Variants in CADM2 observed in about 807,000 individuals in gnomAD.
CADM2 encodes the protein cell adhesion molecule 2, also known as immunoglobulin superfamily member 4D.
Under a neutral mutation model 49.8 loss-of-function variants are expected in CADM2, and 12 were observed. The observed-to-expected ratio is 0.24, with a 90% CI of 0.15 to 0.39. CADM2 has a LOEUF of 0.39. Ranked by LOEUF, CADM2 falls within the 10% of genes least tolerant of loss-of-function variation. The pLI is 1.00. For synonymous variants in CADM2, 214 were observed against 175.4 expected, an observed-to-expected ratio of 1.22 and a Z score of -1.74; for missense variants, 378 against 492.3, an observed-to-expected ratio of 0.77 and a Z score of 2.20.
intron 1 of CADM2, among the ~76,000 whole-genome samples, chr3:85,069,716 T>C (rs1036527415): frequency 3.3e-5 from 5 of 152,156 alleles, no homozygotes; most frequent in African/African-American, 1.2e-4. Context: ...TTATCTTTGA[T>C]AAAAAATGCT....
Position 85,523,327 on chromosome 3 carries a change from A to C in CADM2, c.62-203195A>C, listed in dbSNP as rs115580579. ...TTAGGAGTGTCTAGTTTGGATTCCC[A>C]GAGTCATCACTTGTGCATAAGCTAG... On this transcript the variant is annotated intron_variant, in intron 1 of 9. Transcript: ENST00000383699. 8.7e-3 allele frequency among the ~76,000 whole-genome samples: 1,318 copies of C among 152,290 alleles called. 25 individuals are homozygous for C. Among genetic ancestry groups the C allele is most frequent in the African/African-American group, 0.031 (1,272 of 41,564 alleles).
At chr3:85,027,602 T>C (rs1339662873) in intron 1 of CADM2, among the ~76,000 whole-genome samples, 1 of 152,160 alleles carries the variant, frequency 6.6e-6, no homozygotes, top group Non-Finnish European at 1.5e-5. Flanking sequence ...GCAAACGTTT[T>C]CTTCATATAA....
At chr3:85,768,356 G>A (rs563151686) in intron 2 of CADM2, among the ~76,000 whole-genome samples, 1 of 151,814 alleles carries the variant, frequency 6.6e-6, no homozygotes, top group African/African-American at 2.4e-5. Flanking sequence ...TGAGGCAGGA[G>A]AATCACGTGA....
intron 8 of CADM2, among the ~76,000 whole-genome samples, chr3:85,971,503 A>G (rs55650587): frequency 0.067 from 10,105 of 151,752 alleles, 897 homozygotes; most frequent in African/African-American, 0.2. Flanking sequence ...TTTTTCTACT[A>G]TATCACAGTT....
At chr3:86,040,063 C>T (rs764706292) in intron 8 of CADM2, among the ~76,000 whole-genome samples, 7 of 152,076 alleles carry the variant, frequency 4.6e-5, no homozygotes, top group Non-Finnish European at 8.8e-5. Flanking sequence ...AAAGGACATC[C>T]ACACCGAAAC....
intron 6 of CADM2, among the ~76,000 whole-genome samples, chr3:85,929,642 G>A (rs892393453): frequency 6.6e-6 from 1 of 151,666 alleles, no homozygotes; most frequent in African/African-American, 2.4e-5. Context: ...ATAAATAATA[G>A]AGAGAAATAT....
At chr3:85,353,554 T>A (rs1222059398) in intron 1 of CADM2, among the ~76,000 whole-genome samples, 1 of 151,752 alleles carries the variant, frequency 6.6e-6, no homozygotes, top group African/African-American at 2.4e-5. Flanking sequence ...TTTTTTTGTT[T>A]TTTTTTTGCA....
chr3:85,235,645 C>A (rs1243565646), intron 1 of CADM2, among the ~76,000 whole-genome samples: 1 of 152,016 alleles, frequency 6.6e-6, no homozygotes, highest in Non-Finnish European at 1.5e-5. Flanking sequence ...CAAACTTTGT[C>A]TTAAAACTTT....
At chr3:85,804,830 G>A (rs1374108373) in intron 3 of CADM2, among the ~76,000 whole-genome samples, 2 of 152,150 alleles carry the variant, frequency 1.3e-5, no homozygotes, top group East Asian at 3.8e-4. Context: ...GGATAATTAT[G>A]AGGAGAAAAA....
At chr3:85,177,380 C>T (rs953006652) in intron 1 of CADM2, among the ~76,000 whole-genome samples, 1 of 151,786 alleles carries the variant, frequency 6.6e-6, no homozygotes, top group Non-Finnish European at 1.5e-5. Flanking sequence ...TTTTTATGAT[C>T]GTTTATACCT....
chr3:85,684,444 C>CAGAGAG (rs112163774), intron 1 of CADM2, among the ~76,000 whole-genome samples: 3 of 148,756 alleles, frequency 2.0e-5, no homozygotes, highest in African/African-American at 7.4e-5. Context: ...CACACTTTGA[C>CAGAGAG]AGAGAGAGAG....
intron 1 of CADM2, among the ~76,000 whole-genome samples, chr3:85,380,112 C>T (rs1314458384): frequency 3.3e-5 from 5 of 151,902 alleles, no homozygotes; most frequent in East Asian, 3.9e-4. Context: ...TTATCGCATG[C>T]ATATTAATAT....
At chr3:85,600,816 A>G (rs1409739250) in intron 1 of CADM2, among the ~76,000 whole-genome samples, 1 of 151,494 alleles carries the variant, frequency 6.6e-6, no homozygotes, top group African/African-American at 2.4e-5. Context: ...TGTTGACTCT[A>G]TAGAAATGTA....
chr3:85,323,016 A>G (rs1047190748), intron 1 of CADM2, among the ~76,000 whole-genome samples: 2 of 152,206 alleles, frequency 1.3e-5, no homozygotes, highest in Admixed American at 6.6e-5. Context: ...GTCCATGTCC[A>G]TGGATATGTC....
At chr3:85,558,717 T>C (rs946958859) in intron 1 of CADM2, among the ~76,000 whole-genome samples, 3 of 152,074 alleles carry the variant, frequency 2.0e-5, no homozygotes, top group Non-Finnish European at 4.4e-5. Flanking sequence ...GAAATGTTAA[T>C]TGAAAAGCTA....
chr3:85,472,458 C>T (rs879518037), intron 1 of CADM2, among the ~76,000 whole-genome samples: 21 of 151,628 alleles, frequency 1.4e-4, no homozygotes, highest in Admixed American at 1.3e-3. Flanking sequence ...ATGTAGATAC[C>T]GATGAGGATA....
rs1717766518 is a variant in CADM2, at chr3:85,912,613, C to G, written c.700+70C>G. ...TCTTCATCTGCATCTAAAATCATTT[C>G]AAAACTACCTGAAGTTATAGCAAAG... On this transcript the variant is annotated intron_variant, in intron 6 of 9. Transcript: ENST00000383699. The G allele has an allele frequency of 2.8e-6, 4 of 1,450,312 alleles. No homozygotes were observed. In the Admixed American group the frequency reaches 7.9e-5, roughly 29 times the overall value. 89.8% of individuals were successfully genotyped at this position (1,450,312 alleles called of 1,614,324 possible).
intron 8 of CADM2, among the ~76,000 whole-genome samples, chr3:86,047,953 G>A (rs546744673): frequency 6.6e-6 from 1 of 152,218 alleles, no homozygotes; most frequent in South Asian, 2.1e-4. Flanking sequence ...AGGAAAATGT[G>A]AGTTAGCAAA....
At chr3:85,011,700 C>T (rs1361490979) in intron 1 of CADM2, among the ~76,000 whole-genome samples, 3 of 151,882 alleles carry the variant, frequency 2.0e-5, no homozygotes, top group Admixed American at 1.3e-4. Flanking sequence ...CTGGGCAACA[C>T]AGGGAGACCC....
Sources: gnomAD v4.1 joint callset for allele counts (sites outside exome capture counted in the v4.1 genomes callset) on GRCh38, gnomAD v4.1.1 for gene constraint, MANE v1.5 for transcripts, NCBI Gene and HGNC (gene_info 2026-07-23, HGNC 2026-07-21) for gene names.